The following PLXNC1 variants were observed in gnomAD, a reference collection of about 807,000 sequenced individuals.
The protein encoded by PLXNC1 is plexin C1.
Under a neutral mutation model 178.2 loss-of-function variants are expected in PLXNC1, and 75 were observed. The ratio of observed to expected loss-of-function variants is 0.42; its 90% CI spans 0.35 to 0.51. The LOEUF is 0.51. PLXNC1 is among the 20% of genes least tolerant of loss of function. PLXNC1 has a pLI of 0.02. For missense variants in PLXNC1, 1,503 were observed against 1,984.4 expected, an observed-to-expected ratio of 0.76 and a Z score of 4.61; for synonymous variants, 790 against 779.9, an observed-to-expected ratio of 1.01 and a Z score of -0.22.
chr12:94,236,267 A>C (rs1001440102), intron 9 of PLXNC1, among the ~76,000 whole-genome samples: 1 of 152,238 alleles, frequency 6.6e-6, no homozygotes, highest in Non-Finnish European at 1.5e-5. Flanking sequence ...AATTTACCTC[A>C]ATCTGCAAAA....
At chr12:94,253,191 C>T (rs912540794) in intron 15 of PLXNC1, among the ~76,000 whole-genome samples, 4 of 111,476 alleles carry the variant, frequency 3.6e-5, no homozygotes, top group African/African-American at 1.3e-4. Context: ...CGCCTGGCCA[C>T]AGAACAAGAC....
At chr12:94,274,155 TAAAAAAAAAAAAAAAAAAAA>T (rs3060881) in intron 21 of PLXNC1, among the ~76,000 whole-genome samples, 1 of 45,376 alleles carries the variant, frequency 2.2e-5, no homozygotes, top group East Asian at 1.1e-3. Flanking sequence ...ACCCTGTCTC[TAAAAAAAAAAAAAAAAAAAA>T]AAAAAAAAAA....
At chr12:94,167,640 C>CTGT (rs1961665833) in intron 1 of PLXNC1, among the ~76,000 whole-genome samples, 1 of 152,126 alleles carries the variant, frequency 6.6e-6, no homozygotes. Context: ...AAACAGTGAT[C>CTGT]TATTGTTCCA....
At chr12:94,280,638 C>T (rs1966368310) in intron 22 of PLXNC1, among the ~76,000 whole-genome samples, 1 of 152,170 alleles carries the variant, frequency 6.6e-6, no homozygotes, top group South Asian at 2.1e-4. Flanking sequence ...CATTTTAGCT[C>T]ATTTGGTTAG....
At chr12:94,209,335 C>T (rs781553893) in intron 4 of PLXNC1, among the ~76,000 whole-genome samples, 5 of 152,108 alleles carry the variant, frequency 3.3e-5, no homozygotes, top group Admixed American at 1.3e-4. Context: ...GCTCAGGAGT[C>T]GAAGTTCACC....
intron 4 of PLXNC1, among the ~76,000 whole-genome samples, chr12:94,196,311 G>T (rs1189017747): frequency 2.6e-5 from 4 of 152,138 alleles, no homozygotes; most frequent in Non-Finnish European, 5.9e-5. Context: ...GAATGGCTTG[G>T]TGCTGTCCTT....
At chr12:94,210,365 C>A (rs539991339) in intron 5 of PLXNC1, among the ~76,000 whole-genome samples, 2 of 152,132 alleles carry the variant, frequency 1.3e-5, no homozygotes, top group African/African-American at 4.8e-5. Flanking sequence ...CCGTGCCCTA[C>A]GGAAAAAGGG....
intron 21 of PLXNC1, among the ~76,000 whole-genome samples, chr12:94,271,817 C>T (rs1330725800): frequency 3.3e-5 from 5 of 152,072 alleles, no homozygotes; most frequent in East Asian, 1.9e-4. Flanking sequence ...GAAAGTGTCC[C>T]GTCAGTATTC....
chr12:94,307,290 A>C lies in PLXNC1; in HGVS notation c.*2005A>C, dbSNP rs751203519. The C allele has an allele frequency of 3.3e-5, 5 of 152,156 alleles. No homozygotes were observed. Among genetic ancestry groups the C allele is most frequent in the Non-Finnish European group, 5.9e-5 (4 of 68,018 alleles). The allele number at this position is 152,156 out of a possible 1,614,324, so 9.4% of individuals were successfully genotyped here. Reference sequence around the variant, plus strand: ...ACTGAGGTGGTATGAAGATTCACTAATGTATGTAGCGTGTTTGTCAATCCT... The same window carrying C: ...ACTGAGGTGGTATGAAGATTCACTACTGTATGTAGCGTGTTTGTCAATCCT... On this transcript the variant is annotated 3_prime_UTR_variant, in exon 31 of 31. Transcript: ENST00000258526.
chr12:94,289,704 AAAAAG>A (rs1967083430), intron 23 of PLXNC1, among the ~76,000 whole-genome samples: 2 of 152,324 alleles, frequency 1.3e-5, no homozygotes, highest in South Asian at 4.1e-4. Flanking sequence ...GACTTGTGCT[AAAAAG>A]AAAACGGAAA....
Position 94,255,268 on chromosome 12 carries a change from A to T in PLXNC1, c.3059A>T (p.His1020Leu). 3 of 1,613,080 alleles carry T rather than the reference A, an allele frequency of 1.9e-6. No individual in the cohort carries two copies. The highest frequency in any genetic ancestry group is 2.5e-6 in the Non-Finnish European group (3 of 1,178,992). Residue 1020 changes from histidine to leucine, a missense_variant, in exon 17 of 31, where the codon CAT becomes CTT. Coordinates refer to ENST00000258526, the MANE Select transcript of PLXNC1 (RefSeq NM_005761.3). ...FGTVPFLDYK[H>L]FALRTFFPES... ...ACTGTTCCCTTCCTTGACTACAAAC[A>T]TTTTGCTCTGAGAACTTTCTTCCCT...
At chr12:94,253,959 G>A (rs926109037) in intron 15 of PLXNC1, among the ~76,000 whole-genome samples, 2 of 145,808 alleles carry the variant, frequency 1.4e-5, no homozygotes, top group Non-Finnish European at 3.1e-5. Flanking sequence ...AATTACAGAC[G>A]TAAGCCCCCG....
At chr12:94,158,463 A>G (rs1212248592) in intron 1 of PLXNC1, among the ~76,000 whole-genome samples, 1 of 152,176 alleles carries the variant, frequency 6.6e-6, no homozygotes, top group Non-Finnish European at 1.5e-5. Flanking sequence ...TTTAAAATAA[A>G]TTATCAATCG....
intron 11 of PLXNC1, 104 bp downstream of exon 11, chr12:94,240,768 A>G: frequency 1.1e-6 from 1 of 905,954 alleles, no homozygotes. Context: ...GTCATTCCAA[A>G]TTCCTCTCAC....
At chr12:94,254,365 G>A (rs916124149) in intron 15 of PLXNC1, 9 of 370,600 alleles carry the variant, frequency 2.4e-5, no homozygotes, top group Non-Finnish European at 4.3e-5. Flanking sequence ...TCCTTTCTAC[G>A]TTTGCAGCAC....
chr12:94,203,137 T>C (rs1259667185), intron 4 of PLXNC1, among the ~76,000 whole-genome samples: 1 of 151,872 alleles, frequency 6.6e-6, no homozygotes, highest in Admixed American at 6.6e-5. Context: ...GGTACAAGAG[T>C]TACCCAAACT....
chr12:94,278,598 G>A (rs964671801), intron 21 of PLXNC1, among the ~76,000 whole-genome samples: 1 of 152,294 alleles, frequency 6.6e-6, no homozygotes, highest in South Asian at 2.1e-4. Context: ...AGTATGGGGT[G>A]GGGATCTCAG....
chr12:94,223,590 G>A (rs1048770069), intron 6 of PLXNC1, among the ~76,000 whole-genome samples: 7 of 152,234 alleles, frequency 4.6e-5, no homozygotes, highest in Non-Finnish European at 1.0e-4. Flanking sequence ...TATGTTTAAA[G>A]AGATACAGGA....
intron 8 of PLXNC1, 110 bp downstream of exon 8, chr12:94,226,817 A>T: frequency 1.3e-6 from 1 of 778,880 alleles, no homozygotes; most frequent in Non-Finnish European, 2.3e-6. Flanking sequence ...TGAGGTCAGG[A>T]GTTCGAGACC....
Sources: gnomAD v4.1 joint callset for allele counts (sites outside exome capture counted in the v4.1 genomes callset) on GRCh38, gnomAD v4.1.1 for gene constraint, MANE v1.5 for transcripts, NCBI Gene and HGNC (gene_info 2026-07-23, HGNC 2026-07-21) for gene names.